FILIP1L: variants seen among roughly 807,000 people sequenced by gnomAD.
FILIP1L encodes the protein filamin A interacting protein 1 like, also known as filamin A-interacting protein 1-like.
Under a neutral mutation model 96.6 loss-of-function variants are expected in FILIP1L, and 55 were observed. The ratio of observed to expected loss-of-function variants is 0.57; its 90% CI spans 0.46 to 0.71. FILIP1L has a LOEUF of 0.71. FILIP1L is among the 30% of genes least tolerant of loss of function. The pLI is 0.00. For synonymous variants in FILIP1L, 467 were observed against 473.9 expected, an observed-to-expected ratio of 0.99 and a Z score of 0.19; for missense variants, 1,304 against 1,321.2, an observed-to-expected ratio of 0.99 and a Z score of 0.20.
At chr3:100,066,517 CTTTTTTTTTTTTTTTTTT>C (rs545356638) in intron 1 of FILIP1L, among the ~76,000 whole-genome samples, 1 of 38,304 alleles carries the variant, frequency 2.6e-5, no homozygotes, top group Non-Finnish European at 4.4e-5. Context: ...GGCTTTGCTT[CTTTTTTTTTTTTTTTTTT>C]TTTTTTTTTT....
intron 1 of FILIP1L, among the ~76,000 whole-genome samples, chr3:100,014,895 C>CTTTTTTTTTTTTTTTTTTTT (rs1233573719): frequency 4.0e-4 from 10 of 25,004 alleles, no homozygotes; most frequent in African/African-American, 7.0e-4. Flanking sequence ...TTCTTTCTTT[C>CTTTTTTTTTTTTTTTTTTTT]TTTTTTTTTT....
At chr3:99,963,219 T>G (rs1262364836) in intron 1 of FILIP1L, among the ~76,000 whole-genome samples, 1 of 152,234 alleles carries the variant, frequency 6.6e-6, no homozygotes, top group Admixed American at 6.5e-5. Context: ...CATGAAGGTA[T>G]AGTTGCCCCA....
chr3:99,963,285 A>G (rs767672938), intron 1 of FILIP1L, among the ~76,000 whole-genome samples: 3 of 152,216 alleles, frequency 2.0e-5, no homozygotes, highest in Admixed American at 2.0e-4. Context: ...GACTGATCCC[A>G]TGTGGTGGAT....
chr3:99,956,637 G>T (rs1708328005), intron 1 of FILIP1L, among the ~76,000 whole-genome samples: 1 of 152,212 alleles, frequency 6.6e-6, no homozygotes, highest in African/African-American at 2.4e-5. Context: ...GTGAGCCCCC[G>T]CGCCCAGCCA....
chr3:99,956,662 T>C (rs1037601045), intron 1 of FILIP1L, among the ~76,000 whole-genome samples: 4 of 152,208 alleles, frequency 2.6e-5, no homozygotes, highest in African/African-American at 9.7e-5. Context: ...CATGTAAGCT[T>C]TGGATCATAA....
At chr3:99,910,766 G>A (rs1367996440) in intron 4 of FILIP1L, among the ~76,000 whole-genome samples, 1 of 83,512 alleles carries the variant, frequency 1.2e-5, no homozygotes, top group Non-Finnish European at 3.2e-5. Flanking sequence ...ATGCAAGAAA[G>A]TAGATAACTA....
intron 1 of FILIP1L, among the ~76,000 whole-genome samples, chr3:99,954,811 G>A (rs904958020): frequency 2.0e-5 from 3 of 151,330 alleles, no homozygotes; most frequent in African/African-American, 7.3e-5. Flanking sequence ...GAGCCACAGA[G>A]CAAGACTCTG....
intron 1 of FILIP1L, among the ~76,000 whole-genome samples, chr3:100,102,393 A>C (rs1393733539): frequency 6.6e-6 from 1 of 152,184 alleles, no homozygotes; most frequent in East Asian, 1.9e-4. Context: ...ATATCCTTGG[A>C]AATGGGATAA....
intron 4 of FILIP1L, among the ~76,000 whole-genome samples, chr3:99,876,848 A>C (rs1705550966): frequency 6.6e-6 from 1 of 152,222 alleles, no homozygotes; most frequent in Admixed American, 6.5e-5. Flanking sequence ...AGCAGTTAAA[A>C]CTATCATTTT....
At chr3:99,841,419 A>G (rs148384683) in intron 5 of FILIP1L, among the ~76,000 whole-genome samples, 139 of 152,228 alleles carry the variant, frequency 9.1e-4, no homozygotes, top group African/African-American at 3.1e-3. Context: ...AACTCCCTCT[A>G]TTGTTTAGAC....
At chr3:99,851,980 G>A (rs1051455038) in intron 4 of FILIP1L, among the ~76,000 whole-genome samples, 1 of 152,206 alleles carries the variant, frequency 6.6e-6, no homozygotes, top group African/African-American at 2.4e-5. Context: ...AGACATGACA[G>A]AAGAGAAACT....
intron 1 of FILIP1L, among the ~76,000 whole-genome samples, chr3:99,972,567 A>T (rs1030150080): frequency 6.6e-6 from 1 of 152,180 alleles, no homozygotes; most frequent in Non-Finnish European, 1.5e-5. Flanking sequence ...AGCTGCTCCC[A>T]GTCATTCTTT....
chr3:100,013,214 GTGTTGTTGTTGT>G (rs35047568), intron 1 of FILIP1L, among the ~76,000 whole-genome samples: 12 of 145,522 alleles, frequency 8.2e-5, no homozygotes, highest in East Asian at 4.3e-4. Context: ...GGCCAGTGAG[GTGTTGTTGTTGT>G]TGTTGTTGTT....
intron 1 of FILIP1L, among the ~76,000 whole-genome samples, chr3:99,999,960 A>G (rs1196667136): frequency 6.6e-6 from 1 of 152,208 alleles, no homozygotes; most frequent in Non-Finnish European, 1.5e-5. Flanking sequence ...TCTAGACTCT[A>G]GAACAGTGAT....
chr3:99,946,142 G>A (rs528403466), intron 1 of FILIP1L, among the ~76,000 whole-genome samples: 15 of 152,354 alleles, frequency 9.8e-5, no homozygotes, highest in African/African-American at 3.4e-4. Context: ...AGCTTTCAGA[G>A]TTGACAAAAG....
chr3:99,835,401 G>A (rs945913178), intron 5 of FILIP1L, among the ~76,000 whole-genome samples: 3 of 152,130 alleles, frequency 2.0e-5, no homozygotes, highest in African/African-American at 7.2e-5. Context: ...AAGTCCTTTG[G>A]CTTTGACATT....
At chr3:99,858,559 T>C (rs1944088132) in intron 4 of FILIP1L, among the ~76,000 whole-genome samples, 3 of 152,192 alleles carry the variant, frequency 2.0e-5, no homozygotes, top group South Asian at 2.1e-4. Context: ...AAAAATACTT[T>C]TACAAAATTA....
intron 4 of FILIP1L, chr3:99,876,297 G>A: frequency 1.3e-6 from 1 of 788,376 alleles, no homozygotes; most frequent in Non-Finnish European, 1.5e-6. Flanking sequence ...GGCCGCGGCG[G>A]CGGCGCAGCC....
chr3:99,904,872 T>G (rs991293571), intron 4 of FILIP1L, among the ~76,000 whole-genome samples: 3 of 152,174 alleles, frequency 2.0e-5, no homozygotes, highest in Admixed American at 2.0e-4. Context: ...TTGGCAAACC[T>G]CTTGAAGGAG....
Sources: gnomAD v4.1 joint callset for allele counts (sites outside exome capture counted in the v4.1 genomes callset) on GRCh38, gnomAD v4.1.1 for gene constraint, MANE v1.5 for transcripts, NCBI Gene and HGNC (gene_info 2026-07-23, HGNC 2026-07-21) for gene names.